Variants in LARS2 observed in about 807,000 individuals in gnomAD.
LARS2 encodes leucyl-tRNA synthetase 2, mitochondrial.
LARS2 carries 81 observed loss-of-function variants against 116.6 expected under a neutral mutation model. That is an observed-to-expected ratio of 0.69 (90% confidence interval 0.58 to 0.84). The LOEUF (loss-of-function observed/expected upper bound fraction) is 0.84, where lower values mean the gene tolerates loss of function less well. LARS2 is among the 40% of genes least tolerant of loss of function. The probability of loss-of-function intolerance (pLI) is 0.00; values close to 1 mark genes in which losing one functional copy is unlikely to be tolerated. For synonymous variants in LARS2, 396 were observed against 407.2 expected (o/e 0.97, Z 0.33); for missense variants, 968 against 1,114.5 (o/e 0.87, Z 1.87).
At chr3:45,431,557 C>T (rs1228040157) in intron 6 of LARS2, among the ~76,000 whole-genome samples, 1 of 152,048 alleles carries the variant, frequency 6.6e-6, no homozygotes, top group Non-Finnish European at 1.5e-5. Flanking sequence ...AGAGGCAGTT[C>T]ATGTATGTTA....
chr3:45,441,019 C>T lies in LARS2; in HGVS notation c.517-5872C>T, dbSNP rs538845903. ...AGCCTCACTCACCCCTGCCATCACACACTCTTTTTTTTTTTTTTTTTTTTG... is the reference window on the plus strand; with the variant it reads ...AGCCTCACTCACCCCTGCCATCACATACTCTTTTTTTTTTTTTTTTTTTTG... On this transcript the variant is annotated intron_variant, in intron 6 of 21. Coordinates refer to ENST00000645846, the MANE Select transcript of LARS2 (RefSeq NM_015340.4). Among the ~76,000 whole-genome samples the T allele has an allele frequency of 4.6e-3, 605 of 131,348 alleles. 11 individuals carry two copies. The highest frequency in any genetic ancestry group is 0.038 in the East Asian group (155 of 4,044). 86.2% of individuals were successfully genotyped at this position (131,348 alleles called of 152,430 possible).
In LARS2 at chr3:45,507,239, T is replaced by A. The variant is rs2170547; in HGVS notation, c.1761-5896T>A. 0.88 allele frequency among the ~76,000 whole-genome samples: 132,320 copies of A among 150,512 alleles called. 60,490 individuals carry two copies. The highest frequency in any genetic ancestry group is 1 in the East Asian group (5,165 of 5,176). ...CAGCAAGACCCCATTTCTATGATTT[T>A]AAAAAAAAAAATTTCCCTCACTGGC... On this transcript the variant is annotated intron_variant, in intron 15 of 21. Transcript: ENST00000645846.
At chr3:45,521,727 A>G (rs1700457979) in intron 19 of LARS2, among the ~76,000 whole-genome samples, 1 of 152,226 alleles carries the variant, frequency 6.6e-6, no homozygotes. Flanking sequence ...TCTAATTATC[A>G]TGAAAGGCAA....
intron 6 of LARS2, among the ~76,000 whole-genome samples, chr3:45,424,364 G>A (rs1052216985): frequency 2.0e-5 from 3 of 152,152 alleles, no homozygotes; most frequent in Non-Finnish European, 2.9e-5. Flanking sequence ...AACCTATTCT[G>A]TAATAATAGT....
At chr3:45,499,301 G>T (rs1240240639) in intron 14 of LARS2, among the ~76,000 whole-genome samples, 1 of 152,128 alleles carries the variant, frequency 6.6e-6, no homozygotes, top group Non-Finnish European at 1.5e-5. Flanking sequence ...AATTAGCCTG[G>T]TGTGGTGTCA....
chr3:45,453,901 A>T (rs1241011460), intron 7 of LARS2, among the ~76,000 whole-genome samples: 1 of 152,054 alleles, frequency 6.6e-6, no homozygotes, highest in African/African-American at 2.4e-5. Context: ...TTGAGGGGAG[A>T]GAGGCGGGGA....
At chr3:45,516,489 GT>G (rs1459886255) in intron 17 of LARS2, among the ~76,000 whole-genome samples, 1 of 152,208 alleles carries the variant, frequency 6.6e-6, no homozygotes, top group African/African-American at 2.4e-5. Context: ...TGGGAAACAT[GT>G]TGCAGATGCA....
chr3:45,517,690 T>C (rs1469809446), intron 17 of LARS2, among the ~76,000 whole-genome samples: 1 of 152,198 alleles, frequency 6.6e-6, no homozygotes, highest in Non-Finnish European at 1.5e-5. Flanking sequence ...GTGCTCTGAA[T>C]CTGGGCACTA....
At chr3:45,476,337 C>A in intron 9 of LARS2, 131 bp from the exon 10 acceptor site, 2 of 930,588 alleles carry the variant, frequency 2.1e-6, no homozygotes, top group South Asian at 1.5e-5. Context: ...TCCCCACACC[C>A]CTGGCCCAGT....
intron 4 of LARS2, among the ~76,000 whole-genome samples, chr3:45,406,562 T>G (rs1028279772): frequency 2.6e-5 from 4 of 151,992 alleles, no homozygotes; most frequent in Non-Finnish European, 5.9e-5. Context: ...GAGGGGCAGG[T>G]GGTTTGGGGG....
At chr3:45,488,109 T>G (rs1005092010) in intron 11 of LARS2, among the ~76,000 whole-genome samples, 1 of 151,736 alleles carries the variant, frequency 6.6e-6, no homozygotes, top group Non-Finnish European at 1.5e-5. Flanking sequence ...AAAAAAGCAC[T>G]CAAAAATGTA....
chr3:45,515,292 A>T (rs1160574381), intron 16 of LARS2, among the ~76,000 whole-genome samples: 1 of 152,008 alleles, frequency 6.6e-6, no homozygotes, highest in African/African-American at 2.4e-5. Context: ...CCCCAATTTC[A>T]ATTTACCAAG....
chr3:45,430,582 TC>T (rs1190773391), intron 6 of LARS2, among the ~76,000 whole-genome samples: 126 of 53,658 alleles, frequency 2.3e-3, no homozygotes, highest in Non-Finnish European at 4.0e-3. Flanking sequence ...GCCCGGCCAA[TC>T]TTTTTTTTTT....
At chr3:45,393,697 G>A (rs1435649234) in intron 2 of LARS2, among the ~76,000 whole-genome samples, 2 of 152,152 alleles carry the variant, frequency 1.3e-5, no homozygotes, top group East Asian at 1.9e-4. Context: ...GGTGGCTCAC[G>A]CCTGTAATCC....
chr3:45,472,589 A>G (rs1047915286), intron 8 of LARS2, among the ~76,000 whole-genome samples: 3 of 152,248 alleles, frequency 2.0e-5, no homozygotes, highest in Non-Finnish European at 2.9e-5. Context: ...AAGCAGATGG[A>G]TCTCTAATAC....
chr3:45,530,178 T>G (rs986705351), intron 20 of LARS2, among the ~76,000 whole-genome samples: 62 of 152,212 alleles, frequency 4.1e-4, no homozygotes, highest in Non-Finnish European at 1.0e-4. Context: ...TTTGGAGTTT[T>G]TTGTTTGTTT....
At chr3:45,513,088 C>G (rs757967194) in intron 15 of LARS2, 47 bp from the exon 16 acceptor site, 20 of 1,283,758 alleles carry the variant, frequency 1.6e-5, no homozygotes, top group Non-Finnish European at 2.0e-5. Flanking sequence ...TTCTCAATGC[C>G]TCATGTCCCA....
intron 6 of LARS2, among the ~76,000 whole-genome samples, chr3:45,443,762 C>T (rs1698957564): frequency 6.6e-6 from 1 of 152,138 alleles, no homozygotes. Context: ...TCAAGCTGTA[C>T]TCTTTTAGCA....
intron 10 of LARS2, among the ~76,000 whole-genome samples, chr3:45,484,914 T>C (rs988051190): frequency 1.3e-5 from 2 of 151,856 alleles, no homozygotes; most frequent in African/African-American, 4.8e-5. Flanking sequence ...CCATATTTCT[T>C]TGAAACTCCT....
Sources: gnomAD v4.1 joint callset for allele counts (sites outside exome capture counted in the v4.1 genomes callset) on GRCh38, gnomAD v4.1.1 for gene constraint, MANE v1.5 for transcripts, NCBI Gene and HGNC (gene_info 2026-07-23, HGNC 2026-07-21) for gene names.